Variants in NYAP2 observed in about 807,000 individuals in gnomAD.
NYAP2 encodes neuronal tyrosine-phosphorylated phosphoinositide-3-kinase adapter 2.
A neutral mutation model predicts 50.4 loss-of-function variants in NYAP2; 23 were observed. The ratio of observed to expected loss-of-function variants is 0.46; its 90% CI spans 0.33 to 0.65. The LOEUF (loss-of-function observed/expected upper bound fraction) is 0.65. Ranked by LOEUF, NYAP2 falls within the 30% of genes least tolerant of loss-of-function variation. The pLI, the probability that NYAP2 is intolerant of heterozygous loss-of-function variation, is 0.02. For synonymous variants in NYAP2, 394 were observed against 365.2 expected, an observed-to-expected ratio of 1.08 and a Z score of -0.90; for missense variants, 885 against 861.0, an observed-to-expected ratio of 1.03 and a Z score of -0.35.
At chr2:225,477,704 TACAC>T (rs747241230) in intron 3 of NYAP2, among the ~76,000 whole-genome samples, 8 of 152,178 alleles carry the variant, frequency 5.3e-5, no homozygotes, top group Non-Finnish European at 1.2e-4. Flanking sequence ...TTTAGATACA[TACAC>T]ACATACATAC....
chr2:225,682,817 G>C, the NYAP2 span, among the ~76,000 whole-genome samples: 1 of 152,074 alleles, frequency 6.6e-6, no homozygotes, highest in Non-Finnish European at 1.5e-5. Flanking sequence ...AGAGCCCAGA[G>C]TTCTTATGAG....
the NYAP2 span, chr2:225,702,264 T>C: frequency 6.6e-6 from 1 of 151,806 alleles, no homozygotes; most frequent in Non-Finnish European, 1.5e-5. Context: ...CTTCCATGTA[T>C]ACAAAATAGA....
rs780236043 is a variant in NYAP2, at chr2:225,582,198, G to T, written c.781G>T (p.Asp261Tyr). 2.5e-6 allele frequency: 4 copies of T among 1,614,056 alleles called. No individual in the cohort carries two copies. The highest frequency in any genetic ancestry group is 2.2e-5 in the South Asian group (2 of 91,086). Residue 261 changes from aspartate to tyrosine, a missense_variant, in exon 5 of 7, where the codon GAT becomes TAT. Coordinates refer to ENST00000636099, the Ensembl canonical transcript of NYAP2. The surrounding 1 kb of genome is among the most constrained non-coding windows in gnomAD (Gnocchi z 7.0). ...TCTCAGAGACTTCAGGAAGGAGGAC[G>T]ATGACCAGAGCGAGGCCGTCTACGA...
intron 4 of NYAP2, among the ~76,000 whole-genome samples, chr2:225,516,846 C>CATAAAAATATAAAACATATAAAA: frequency 6.6e-6 from 1 of 152,218 alleles, no homozygotes; most frequent in South Asian, 2.1e-4. Context: ...AACAGTATAA[C>CATAAAAATATAAAACATATAAAA]AAACATAAAA....
chr2:225,513,585 G>A, exon 4 of NYAP2: 2 of 1,598,628 alleles, frequency 1.3e-6, no homozygotes, highest in Non-Finnish European at 1.7e-6. Flanking sequence ...ACCCAAGAGG[G>A]ACCCCAGCAC....
intron 3 of NYAP2, among the ~76,000 whole-genome samples, chr2:225,418,663 G>T: frequency 6.6e-6 from 1 of 152,114 alleles, no homozygotes; most frequent in East Asian, 1.9e-4. Flanking sequence ...TGTTTGAGAT[G>T]TGTGTTAGGA....
the NYAP2 span, among the ~76,000 whole-genome samples, chr2:225,663,599 C>A: frequency 2.0e-5 from 3 of 152,070 alleles, no homozygotes; most frequent in Non-Finnish European, 2.9e-5. Context: ...ACTGTGTCAC[C>A]CAGGCTGGAG....
intron 6 of NYAP2, among the ~76,000 whole-genome samples, chr2:225,647,952 A>G (rs1357081133): frequency 7.0e-6 from 1 of 143,096 alleles, no homozygotes; most frequent in South Asian, 2.3e-4. Flanking sequence ...CAAATTATAT[A>G]TATATGTGTG....
At chr2:225,477,238 T>TC (rs1690129284) in intron 3 of NYAP2, among the ~76,000 whole-genome samples, 1 of 138,890 alleles carries the variant, frequency 7.2e-6, no homozygotes, top group Admixed American at 7.2e-5. Context: ...TTTCTTTTTT[T>TC]TTTTTTTTTT....
Position 225,463,120 on chromosome 2 carries a change from T to C in NYAP2, c.222-50251T>C, listed in dbSNP as rs142576748. On this transcript the variant is annotated intron_variant, in intron 3 of 6. Transcript: ENST00000636099. Reference sequence around the variant, plus strand: ...CTAGTGGTATAATATATGCATATAGTACATTCTAACACTGTGGATTCCAAA... The same window carrying C: ...CTAGTGGTATAATATATGCATATAGCACATTCTAACACTGTGGATTCCAAA... Among the ~76,000 whole-genome samples, 151 of 152,370 alleles carry C rather than the reference T, an allele frequency of 9.9e-4. 1 individual carries two copies. Among genetic ancestry groups the C allele is most frequent in the African/African-American group, 3.2e-3 (132 of 41,590 alleles).
rs200139665 is a variant in NYAP2 at position 225,651,558 on chromosome 2, G to A, written c.1955G>A (p.Arg652His). 9.0e-5 allele frequency: 146 copies of A among 1,613,688 alleles called. No individual in the cohort carries two copies. Among genetic ancestry groups the A allele is most frequent in the Middle Eastern group, 1.6e-4 (1 of 6,082 alleles). ...CAGGTACCATCATCGTTAGCCAATC[G>A]TGATTGACTTCCTGTGATACAACTT... Residue 652 changes from arginine (R) to histidine (H), a missense_variant, in exon 7 of 7, where the codon CGT (arginine) becomes CAT (histidine). Physicochemically the swap from Arg to His is conservative, Grantham distance 29. Coordinates refer to ENST00000636099, the Ensembl canonical transcript of NYAP2.
chr2:225,491,482 T>C (rs182212289), intron 3 of NYAP2, among the ~76,000 whole-genome samples: 16 of 152,352 alleles, frequency 1.1e-4, no homozygotes, highest in Non-Finnish European at 5.9e-5. Context: ...AATTTAAGTG[T>C]CTGTGAATTT....
At chr2:225,561,530 T>C (rs890778478) in intron 4 of NYAP2, among the ~76,000 whole-genome samples, 1 of 152,096 alleles carries the variant, frequency 6.6e-6, no homozygotes, top group Non-Finnish European at 1.5e-5. Context: ...TATTTTAAAG[T>C]TCCTGCTGTA....
intron 4 of NYAP2, among the ~76,000 whole-genome samples, chr2:225,572,113 C>A (rs1175027336): frequency 6.6e-6 from 1 of 152,232 alleles, no homozygotes; most frequent in Admixed American, 6.5e-5. Context: ...ACATCACTAT[C>A]AGCATTTGGG....
Position 225,511,371 on chromosome 2 carries a change from C to CAGAG in NYAP2, c.222-1999_222-1998insGAGA, listed in dbSNP as rs1306124018. 5.8e-3 allele frequency among the ~76,000 whole-genome samples: 722 copies of CAGAG among 125,118 alleles called. 2 individuals are homozygous for CAGAG. Among genetic ancestry groups the CAGAG allele is most frequent in the South Asian group, 0.022 (84 of 3,734 alleles). The allele number at this position is 125,118 out of a possible 152,430, so 82.1% of individuals were successfully genotyped here. ...ACACACACACACACACACACACACACACAGAGAGAGAGAGAGAGAGAGGAT... is the reference window on the plus strand; with the variant it reads ...ACACACACACACACACACACACACACAGAGACAGAGAGAGAGAGAGAGAGAGGAT... On this transcript the variant is annotated intron_variant, in intron 3 of 6. Transcript: ENST00000636099.
At chr2:225,608,203 G>A (rs1692823192) in intron 5 of NYAP2, among the ~76,000 whole-genome samples, 2 of 152,122 alleles carry the variant, frequency 1.3e-5, no homozygotes, top group African/African-American at 4.8e-5. Flanking sequence ...ACTATTAAAT[G>A]TTTTATATTT....
intron 3 of NYAP2, among the ~76,000 whole-genome samples, chr2:225,432,151 T>C (rs1212607150): frequency 6.7e-6 from 1 of 148,544 alleles, no homozygotes; most frequent in Non-Finnish European, 1.5e-5. Flanking sequence ...CTAATTTTTT[T>C]TTTTTTTTTT....
chr2:225,446,242 CTCTCTATA>C (rs1234286678), intron 3 of NYAP2, among the ~76,000 whole-genome samples: 23 of 110,268 alleles, frequency 2.1e-4, no homozygotes, highest in African/African-American at 3.8e-4. Flanking sequence ...CTCTCTCTCT[CTCTCTATA>C]TATATATATA....
At chr2:225,541,581 G>T (rs11893558) in intron 4 of NYAP2, among the ~76,000 whole-genome samples, 4,189 of 152,176 alleles carry the variant, frequency 0.028, 184 homozygotes, top group African/African-American at 0.094. Flanking sequence ...TGGAACTTTT[G>T]TTGAAGAGGA....
Sources: allele counts gnomAD v4.1 joint callset (sites outside exome capture counted in the v4.1 genomes callset), GRCh38; gene constraint gnomAD v4.1.1; non-coding constraint Gnocchi (gnomAD v3.1); transcripts MANE v1.5; gene names NCBI Gene and HGNC (gene_info 2026-07-23, HGNC 2026-07-21).